The following PADI4 variants were observed in gnomAD, a reference collection of about 807,000 sequenced individuals.
PADI4 encodes protein-arginine deiminase type-4.
In PADI4, 62 loss-of-function variants were observed where a neutral mutation model predicts 75.0. The observed-to-expected ratio is 0.83, with a 90% CI of 0.67 to 1.02. The LOEUF (loss-of-function observed/expected upper bound fraction) is 1.02, where lower values mean the gene tolerates loss of function less well. Among genes scored for constraint, PADI4 ranks in the 50% least tolerant of loss-of-function variants. The pLI is 0.00. For missense variants in PADI4, 845 were observed against 850.5 expected (o/e 0.99, Z 0.08); for synonymous variants, 361 against 348.1 (o/e 1.04, Z -0.41).
At chr1:17,359,437 G>C in intron 15 of PADI4, 29 bp downstream of exon 15, 2 of 1,613,582 alleles carry the variant, frequency 1.2e-6, no homozygotes, top group East Asian at 4.5e-5. Flanking sequence ...TAAAACCCCA[G>C]GGTGTGGCAT....
intron 1 of PADI4, among the ~76,000 whole-genome samples, chr1:17,325,149 C>T (rs2074097637): frequency 6.6e-6 from 1 of 152,136 alleles, no homozygotes; most frequent in East Asian, 1.9e-4. Context: ...ATAAGAAACC[C>T]TAAAATTCCA....
chr1:17,351,726 G>C (rs1196470791), intron 10 of PADI4, among the ~76,000 whole-genome samples: 1 of 152,138 alleles, frequency 6.6e-6, no homozygotes, highest in Non-Finnish European at 1.5e-5. Flanking sequence ...TTGGCCATGT[G>C]AGTGGGTGTC....
chr1:17,349,714 A>AAAAAAAAAAAAAAAAAG (rs1553148555), intron 10 of PADI4, among the ~76,000 whole-genome samples: 1 of 116,360 alleles, frequency 8.6e-6, no homozygotes, highest in Non-Finnish European at 1.9e-5. Context: ...AAAAAAAAAA[A>AAAAAAAAAAAAAAAAAG]AAAGAAAGAA....
chr1:17,363,545 G>A lies in PADI4; in HGVS notation c.1782G>A (p.Lys594=). The change falls in exon 16 of 16, where the codon AAG becomes AAA. Residue 594 remains lysine (K), a synonymous_variant. Transcript: ENST00000375448. ...PNMVNMLVLG[K]HLGIPKPFGP... ...AGGTGAACATGCTGGTGCTAGGGAA[G>A]CACCTGGGCATCCCCAAGCCCTTCG... is the stretch of plus-strand genomic sequence containing the variant. 1.2e-6 allele frequency: 2 copies of A among 1,613,570 alleles called. No homozygotes were observed. Among genetic ancestry groups the A allele is most frequent in the Middle Eastern group, 1.7e-4 (1 of 6,054 alleles).
chr1:17,357,059 T>C (rs34581837), intron 13 of PADI4, among the ~76,000 whole-genome samples: 2,003 of 152,308 alleles, frequency 0.013, 20 homozygotes, highest in Middle Eastern at 0.031. Context: ...CTCGATGGGA[T>C]CTCTTTGGAG....
intron 5 of PADI4, among the ~76,000 whole-genome samples, 172 bp downstream of exon 5, chr1:17,338,327 C>G (rs1390900579): frequency 2.0e-5 from 3 of 152,140 alleles, no homozygotes; most frequent in Non-Finnish European, 2.9e-5. Flanking sequence ...GTCAAGTGAC[C>G]TCCCCAAGCT....
chr1:17,346,099 T>A lies in PADI4; in HGVS notation c.1007T>A (p.Ile336Asn). ...ATGAAAGCCAAGTGCAAGCTGACCA[T>A]CTGCCCTGAGGAGGAGAACATGGAT... ...LAMKAKCKLT[I>N]CPEEENMDDQ... The change falls in exon 9 of 16, where the codon ATC (isoleucine) becomes AAC (asparagine). Residue 336 changes from isoleucine to asparagine, a missense_variant. By Grantham distance (149) the Ile-to-Asn change is moderately radical. Coordinates refer to ENST00000375448, the MANE Select transcript of PADI4 (RefSeq NM_012387.3). The surrounding 1 kb of genome is among the most constrained non-coding windows in gnomAD (Gnocchi z 4.3). 1 of 1,613,988 alleles carries A rather than the reference T, an allele frequency of 6.2e-7. No individual in the cohort carries two copies. Among genetic ancestry groups the A allele is most frequent in the Non-Finnish European group, 8.5e-7 (1 of 1,179,816 alleles).
At chr1:17,309,795 A>G (rs79595013) in intron 1 of PADI4, among the ~76,000 whole-genome samples, 1,897 of 152,314 alleles carry the variant, frequency 0.012, 47 homozygotes, top group African/African-American at 0.043. Flanking sequence ...GGAGAAAAGG[A>G]AAAAGAAAAT....
At chr1:17,348,089 C>A in intron 10 of PADI4, 41 bp downstream of exon 10, 7 of 1,302,390 alleles carry the variant, frequency 5.4e-6, no homozygotes, top group Non-Finnish European at 7.8e-6. Flanking sequence ...CTGCCGAAAC[C>A]CTCTTGTCTT....
chr1:17,322,723 G>T (rs1026068951), intron 1 of PADI4, among the ~76,000 whole-genome samples: 4 of 152,104 alleles, frequency 2.6e-5, no homozygotes, highest in African/African-American at 9.7e-5. Flanking sequence ...GGGGTCCCAA[G>T]ATGTATTTTC....
rs937935130 is a variant in PADI4 at position 17,340,052 on chromosome 1, GCACACA to G, written c.652+261_652+266del. Among the ~76,000 whole-genome samples the G allele has an allele frequency of 5.5e-4, 54 of 98,368 alleles. 1 individual carries two copies. The highest frequency in any genetic ancestry group is 1.9e-3 in the African/African-American group (54 of 28,558). The allele number at this position is 98,368 out of a possible 152,430, so 64.5% of individuals were successfully genotyped here. On this transcript the variant is annotated intron_variant, in intron 6 of 15. Transcript: ENST00000375448. ...TTCTCTCTCTCTCACACACGCGCGC[GCACACA>G]CACACACACACACACACACACCTCC...
At chr1:17,354,491 C>A in intron 10 of PADI4, 42 bp from the exon 11 acceptor site, 1 of 1,601,170 alleles carries the variant, frequency 6.2e-7, no homozygotes, top group Non-Finnish European at 8.6e-7. Context: ...TCACCAGGGA[C>A]CTCATTCCTC....
chr1:17,334,096 A>C (rs1570030744), intron 3 of PADI4, 87 bp downstream of exon 3: 1 of 854,976 alleles, frequency 1.2e-6, no homozygotes, highest in Non-Finnish European at 2.0e-6. Flanking sequence ...GAGAAACTAC[A>C]CCTGGAGCTT....
chr1:17,356,444 T>C lies in PADI4; in HGVS notation c.1543T>C (p.Phe515Leu). The change falls in exon 13 of 16, where the codon TTC becomes CTC. Residue 515 changes from phenylalanine to leucine, a missense_variant. Phe to Leu is a conservative substitution (Grantham distance 22). Transcript: ENST00000375448. This position sits in a 1 kb window ranked among gnomAD's most constrained non-coding sequence, Gnocchi z 4.1. ...QNEGHGEALL[F>L]EGIKKKKQQK... Reference sequence around the variant, plus strand: ...TGAGGGCCACGGGGAGGCCCTGCTGTTCGAAGGGATCAAGAGTAAGTCGGC... The same window carrying C: ...TGAGGGCCACGGGGAGGCCCTGCTGCTCGAAGGGATCAAGAGTAAGTCGGC... 6.2e-7 allele frequency: 1 copy of C among 1,605,268 alleles called. No individual in the cohort carries two copies. Among genetic ancestry groups the C allele is most frequent in the Non-Finnish European group, 8.5e-7 (1 of 1,172,504 alleles).
intron 1 of PADI4, among the ~76,000 whole-genome samples, chr1:17,311,617 C>T (rs7520664): frequency 4.5e-4 from 68 of 152,104 alleles, no homozygotes; most frequent in Middle Eastern, 3.4e-3. Flanking sequence ...CTCCACCTCC[C>T]GGGTTCACGC....
At chr1:17,347,713 G>A (rs1293267699) in intron 9 of PADI4, among the ~76,000 whole-genome samples, 1 of 152,218 alleles carries the variant, frequency 6.6e-6, no homozygotes, top group African/African-American at 2.4e-5. Flanking sequence ...ACCACCAGGA[G>A]TAGGAGGGAA....
chr1:17,334,187 T>G (rs2074267898), intron 3 of PADI4, 178 bp downstream of exon 3: 1 of 602,446 alleles, frequency 1.7e-6, no homozygotes, highest in Non-Finnish European at 3.0e-6. Context: ...CCTTAGTCAG[T>G]GAACCACAAA....
At chr1:17,362,526 AG>A (rs2074860970) in intron 15 of PADI4, among the ~76,000 whole-genome samples, 2 of 152,294 alleles carry the variant, frequency 1.3e-5, no homozygotes, top group South Asian at 4.1e-4. Flanking sequence ...ATAGGCACTG[AG>A]GACCCCCAAA....
chr1:17,330,914 C>A, intron 1 of PADI4, 55 bp from the exon 2 acceptor site: 1 of 1,213,980 alleles, frequency 8.2e-7, no homozygotes, highest in Admixed American at 2.8e-5. Flanking sequence ...AGAGCCATGG[C>A]TGGCCCAGCC....
Sources: allele counts gnomAD v4.1 joint callset (sites outside exome capture counted in the v4.1 genomes callset), GRCh38; gene constraint gnomAD v4.1.1; non-coding constraint Gnocchi (gnomAD v3.1); transcripts MANE v1.5; gene names NCBI Gene and HGNC (gene_info 2026-07-23, HGNC 2026-07-21).